Variants in XKR6 observed in about 807,000 individuals in gnomAD.
The protein encoded by XKR6 is XK-related protein 6.
XKR6 carries 22 observed loss-of-function variants against 56.7 expected under a neutral mutation model. The observed-to-expected ratio is 0.39, with a 90% CI of 0.28 to 0.55. The LOEUF is 0.55. Among genes scored for constraint, XKR6 ranks in the 20% least tolerant of loss-of-function variants. The pLI is 0.66. For synonymous variants in XKR6, 524 were observed against 387.8 expected (o/e 1.35, Z -4.13); for missense variants, 852 against 889.0 (o/e 0.96, Z 0.53).
chr8:11,098,027 G>A (rs1482052235), intron 1 of XKR6, among the ~76,000 whole-genome samples: 2 of 151,988 alleles, frequency 1.3e-5, no homozygotes, highest in African/African-American at 2.4e-5. Context: ...TTTTGCAGGG[G>A]GGCTCCCCCA....
At chr8:11,027,942 A>T (rs1321621726) in intron 1 of XKR6, among the ~76,000 whole-genome samples, 1 of 152,020 alleles carries the variant, frequency 6.6e-6, no homozygotes, top group African/African-American at 2.4e-5. Context: ...GTTGCAATCG[A>T]TGAATCTACA....
chr8:11,034,587 C>A (rs1371556019), intron 1 of XKR6, among the ~76,000 whole-genome samples: 1 of 152,172 alleles, frequency 6.6e-6, no homozygotes, highest in Non-Finnish European at 1.5e-5. Context: ...TGACATGCAC[C>A]TTAGACAGGT....
intron 1 of XKR6, among the ~76,000 whole-genome samples, chr8:10,983,055 A>G (rs1392947390): frequency 2.0e-5 from 3 of 152,266 alleles, no homozygotes; most frequent in Non-Finnish European, 4.4e-5. Flanking sequence ...ATATGAAAAC[A>G]TCTTGCAATT....
chr8:10,997,727 G>T lies in XKR6; in HGVS notation c.765-72897C>A, dbSNP rs1431822545. On this transcript the variant is annotated intron_variant, in intron 1 of 2. Transcript: ENST00000416569. ...GCAACTAAAACTACTAGGGGGATTG[G>T]GTCCAGATAATGAAGAATGATGAAG... Among the ~76,000 whole-genome samples, 3 of 152,066 alleles carry T rather than the reference G, an allele frequency of 2.0e-5. No individual in the cohort carries two copies. In the East Asian group the frequency reaches 5.8e-4, roughly 29 times the overall value.
At chr8:10,933,516 T>C (rs1801127183) in intron 1 of XKR6, among the ~76,000 whole-genome samples, 1 of 127,142 alleles carries the variant, frequency 7.9e-6, no homozygotes, top group Non-Finnish European at 1.7e-5. Flanking sequence ...TCTTCTAGGG[T>C]TTTTATGGTT....
intron 1 of XKR6, among the ~76,000 whole-genome samples, chr8:11,098,922 T>G (rs189097303): frequency 7.2e-4 from 109 of 152,302 alleles, no homozygotes; most frequent in African/African-American, 2.5e-3. Flanking sequence ...AAAAAATGAT[T>G]ATTAGGTTCT....
intron 1 of XKR6, among the ~76,000 whole-genome samples, chr8:11,188,090 G>T (rs985116196): frequency 4.6e-5 from 7 of 152,018 alleles, no homozygotes; most frequent in African/African-American, 1.7e-4. Context: ...GGTTTTTCAG[G>T]AATGTGTGTA....
At position 11,175,194 on chromosome 8, in the gene XKR6, T is replaced by C. The variant is rs886892451; in HGVS notation, c.764+25382A>G. ...GAAAAGCCACCAGGTAACTGAAAGA[T>C]GTCACTTTACAGAAATGGTATCATT... On this transcript the variant is annotated intron_variant, in intron 1 of 2. Coordinates refer to ENST00000416569, the MANE Select transcript of XKR6 (RefSeq NM_173683.4). The C allele has an allele frequency of 2.0e-5, 3 of 152,684 alleles. No homozygotes were observed. The East Asian group carries it at 5.8e-4, about 29-fold the overall frequency. The allele number at this position is 152,684 out of a possible 1,614,324, so 9.5% of individuals were successfully genotyped here.
At chr8:11,033,409 G>A (rs1257950428) in intron 1 of XKR6, among the ~76,000 whole-genome samples, 15 of 142,470 alleles carry the variant, frequency 1.1e-4, no homozygotes, top group Non-Finnish European at 1.5e-4. Context: ...GATAGTGATG[G>A]TGATGATGAT....
intron 1 of XKR6, among the ~76,000 whole-genome samples, chr8:11,150,577 G>A (rs1304073248): frequency 6.6e-6 from 1 of 152,074 alleles, no homozygotes; most frequent in Admixed American, 6.6e-5. Flanking sequence ...TCCAGGCTGG[G>A]CGTGGTGGCT....
At chr8:10,918,948 C>T (rs1000155002) in intron 2 of XKR6, among the ~76,000 whole-genome samples, 5 of 152,194 alleles carry the variant, frequency 3.3e-5, no homozygotes, top group African/African-American at 9.6e-5. Flanking sequence ...AACAGGTGCT[C>T]CTAGCTCAGC....
At position 10,924,821 on chromosome 8, in the gene XKR6, G is replaced by A. The variant is rs1800831223; in HGVS notation, c.774C>T (p.Arg258=). The A allele has an allele frequency of 5.0e-6, 8 of 1,613,608 alleles. No homozygotes were observed. Among genetic ancestry groups the A allele is most frequent in the Non-Finnish European group, 6.8e-6 (8 of 1,179,814 alleles). ...GGCTCTGAATCCCCAGGTACATGGTGCGGATATACCTGCCCAGAGAGATGG... is the reference window on the plus strand; with the variant it reads ...GGCTCTGAATCCCCAGGTACATGGTACGGATATACCTGCCCAGAGAGATGG... The part of the protein sequence containing the change: ...LQMGQVWRYI[R]TMYLGIQSQR... The change falls in exon 2 of 3, where the codon CGC becomes CGT. Residue 258 remains arginine (R), a synonymous_variant. Transcript: ENST00000416569.
chr8:11,011,612 CA>C (rs1490025415), intron 1 of XKR6, among the ~76,000 whole-genome samples: 1 of 152,124 alleles, frequency 6.6e-6, no homozygotes, highest in Non-Finnish European at 1.5e-5. Flanking sequence ...AAAGAGACAG[CA>C]AACAAATAGG....
At chr8:11,053,508 G>A (rs1288715082) in intron 1 of XKR6, among the ~76,000 whole-genome samples, 2 of 152,332 alleles carry the variant, frequency 1.3e-5, no homozygotes, top group South Asian at 2.1e-4. Context: ...TTCATGGCAG[G>A]AGGATGGGCG....
At position 11,200,071 on chromosome 8, in the gene XKR6, G is replaced by C. The variant is rs1014035723; in HGVS notation, c.764+505C>G. Reference sequence around the variant, plus strand: ...GAGGGGGAAGGGGCGTGGAATCCAGGAGTGCTCGGAGGCGGCAGCAAGGGT... The same window carrying C: ...GAGGGGGAAGGGGCGTGGAATCCAGCAGTGCTCGGAGGCGGCAGCAAGGGT... On this transcript the variant is annotated intron_variant, in intron 1 of 2. Transcript: ENST00000416569. This position sits in a 1 kb window ranked among gnomAD's most constrained non-coding sequence, Gnocchi z 6.4. 3.3e-5 allele frequency among the ~76,000 whole-genome samples: 5 copies of C among 152,204 alleles called. No individual in the cohort carries two copies. The highest frequency in any genetic ancestry group is 1.2e-4 in the African/African-American group (5 of 41,450).
In XKR6 at chr8:11,194,659, T is replaced by G. The variant is rs144909459; in HGVS notation, c.764+5917A>C. Reference sequence around the variant, plus strand: ...ATCAGAGACACAGTTTCTTTTTGCATCCCACAGAATCTTTCCATCCCACAG... The same window carrying G: ...ATCAGAGACACAGTTTCTTTTTGCAGCCCACAGAATCTTTCCATCCCACAG... On this transcript the variant is annotated intron_variant, in intron 1 of 2. Transcript: ENST00000416569. 4.9e-3 allele frequency: 754 copies of G among 153,098 alleles called. 6 individuals are homozygous for G. Among genetic ancestry groups the G allele is most frequent in the African/African-American group, 0.017 (704 of 41,560 alleles). 9.5% of individuals were successfully genotyped at this position (153,098 alleles called of 1,614,324 possible).
intron 1 of XKR6, among the ~76,000 whole-genome samples, chr8:10,969,209 G>C (rs2129133350): frequency 6.6e-6 from 1 of 152,276 alleles, no homozygotes; most frequent in East Asian, 1.9e-4. Flanking sequence ...GGTGCTCTTA[G>C]CTGCCACTTT....
At chr8:10,903,932 C>T (rs1047275129) in intron 2 of XKR6, among the ~76,000 whole-genome samples, 1 of 152,190 alleles carries the variant, frequency 6.6e-6, no homozygotes, top group Non-Finnish European at 1.5e-5. Flanking sequence ...TGCAGTGGCT[C>T]ACTTGGAGAA....
chr8:11,139,549 C>A (rs1469423574), intron 1 of XKR6, among the ~76,000 whole-genome samples: 8 of 152,066 alleles, frequency 5.3e-5, no homozygotes, highest in Admixed American at 1.3e-4. Context: ...ACTAGATGAG[C>A]CTCACCTCCT....
Sources: allele counts gnomAD v4.1 joint callset (sites outside exome capture counted in the v4.1 genomes callset), GRCh38; gene constraint gnomAD v4.1.1; non-coding constraint Gnocchi (gnomAD v3.1); transcripts MANE v1.5; gene names NCBI Gene and HGNC (gene_info 2026-07-23, HGNC 2026-07-21).